Variants in DSE observed in about 807,000 individuals in gnomAD.
DSE encodes dermatan-sulfate epimerase.
In DSE, 36 loss-of-function variants were observed where a neutral mutation model predicts 84.4. The ratio of observed to expected loss-of-function variants is 0.43; its 90% CI spans 0.33 to 0.56. DSE has a LOEUF of 0.56. DSE is among the 20% of genes least tolerant of loss of function. The pLI is 0.06. For missense variants in DSE, 862 were observed against 1,169.6 expected (o/e 0.74, Z 3.84); for synonymous variants, 410 against 430.1 (o/e 0.95, Z 0.58).
intron 2 of DSE, among the ~76,000 whole-genome samples, chr6:116,358,447 G>A (rs1342060379): frequency 6.6e-6 from 1 of 152,146 alleles, no homozygotes; most frequent in East Asian, 1.9e-4. Flanking sequence ...AAGACAAAGT[G>A]GTGATGGAAT....
chr6:116,370,263 T>G (rs1240552959), upstream of DSE: 1 of 242,066 alleles, frequency 4.1e-6, no homozygotes, highest in African/African-American at 2.2e-5. Flanking sequence ...CATTAAATGC[T>G]TTGCTCCTGA....
chr6:116,372,000 A>G (rs1474531697), intron 1 of DSE, among the ~76,000 whole-genome samples: 2 of 152,204 alleles, frequency 1.3e-5, no homozygotes, highest in African/African-American at 4.8e-5. Context: ...TGACGCTTTT[A>G]GTTCTAGGAA....
At chr6:116,268,354 C>T (rs965034191) in intron 2 of DSE, among the ~76,000 whole-genome samples, 7 of 152,134 alleles carry the variant, frequency 4.6e-5, no homozygotes, top group Non-Finnish European at 1.5e-5. Flanking sequence ...TACCATAGAG[C>T]CTACATGTGT....
chr6:116,398,174 T>G (rs1428045755), intron 1 of DSE, among the ~76,000 whole-genome samples: 3 of 152,250 alleles, frequency 2.0e-5, no homozygotes, highest in Non-Finnish European at 4.4e-5. Context: ...AAGAATTCCC[T>G]GACTTTCCTC....
At chr6:116,410,905 A>T (rs189121313) in intron 2 of DSE, among the ~76,000 whole-genome samples, 54 of 152,288 alleles carry the variant, frequency 3.5e-4, no homozygotes, top group Non-Finnish European at 5.3e-4. Flanking sequence ...TAGCATTCAT[A>T]AGACTTGACA....
At chr6:116,327,639 C>G (rs1445082898) in intron 2 of DSE, among the ~76,000 whole-genome samples, 6 of 152,154 alleles carry the variant, frequency 3.9e-5, no homozygotes, top group Admixed American at 3.9e-4. Context: ...AAAGTATTAT[C>G]CATAATACTT....
intron 2 of DSE, among the ~76,000 whole-genome samples, chr6:116,319,981 C>T (rs1424319153): frequency 6.6e-6 from 1 of 152,150 alleles, no homozygotes; most frequent in African/African-American, 2.4e-5. Flanking sequence ...GAAAAGATCC[C>T]CTTTTATGTG....
chr6:116,321,089 C>T (rs4534018), intron 2 of DSE, among the ~76,000 whole-genome samples: 34,517 of 152,128 alleles, frequency 0.23, 5,342 homozygotes, highest in East Asian at 0.64. Flanking sequence ...ACTCTTCTGT[C>T]TCTGCTCCAT....
At chr6:116,403,653 TTTGGTTGG>T (rs761918021) in intron 2 of DSE, among the ~76,000 whole-genome samples, 1 of 151,324 alleles carries the variant, frequency 6.6e-6, no homozygotes, top group African/African-American at 2.4e-5. Context: ...CACTGAGGGG[TTTGGTTGG>T]TTGGTTGGTT....
rs1228049214 is a variant in DSE at position 116,371,468 on chromosome 6, C to A, written c.-54+347C>A. Among the ~76,000 whole-genome samples, 3 of 152,234 alleles carry A rather than the reference C, an allele frequency of 2.0e-5. No individual in the cohort carries two copies. The East Asian group carries it at 5.8e-4, about 29-fold the overall frequency. The stretch of plus-strand genomic sequence containing the variant: ...GTGCGTCGGATCTGGCCGGCCCAGC[C>A]GCGATTTCCTCGACGGTCCTTGGGG... On this transcript the variant is annotated intron_variant, in intron 1 of 5. Transcript: ENST00000644252.
chr6:116,347,521 T>C (rs2114840597), intron 2 of DSE, among the ~76,000 whole-genome samples: 1 of 151,598 alleles, frequency 6.6e-6, no homozygotes, highest in East Asian at 1.9e-4. Context: ...TTGACAAACC[T>C]GACAAAAACA....
chr6:116,380,388 C>T (rs897145571), intron 1 of DSE, among the ~76,000 whole-genome samples: 3 of 151,620 alleles, frequency 2.0e-5, no homozygotes, highest in African/African-American at 4.8e-5. Flanking sequence ...AATTAGGTGC[C>T]GAATGGACAT....
intron 5 of DSE, 138 bp downstream of exon 5, chr6:116,433,688 A>C: frequency 1.1e-6 from 1 of 902,680 alleles, no homozygotes; most frequent in Non-Finnish European, 1.6e-6. Flanking sequence ...GAGTATATGA[A>C]GTTTCAATTC....
intron 2 of DSE, among the ~76,000 whole-genome samples, chr6:116,336,006 T>C (rs577253811): frequency 6.6e-6 from 1 of 152,334 alleles, no homozygotes; most frequent in East Asian, 1.9e-4. Flanking sequence ...TCCAAAACAA[T>C]GGATTCCCAT....
chr6:116,298,454 A>ATTGTTAGTT (rs1418045679), intron 2 of DSE, among the ~76,000 whole-genome samples: 5 of 152,204 alleles, frequency 3.3e-5, no homozygotes, highest in Admixed American at 6.5e-5. Context: ...TCAACCAGCC[A>ATTGTTAGTT]TTGTTAGTTT....
intron 1 of DSE, among the ~76,000 whole-genome samples, chr6:116,392,105 AGTAT>A (rs1780947601): frequency 6.6e-6 from 1 of 152,376 alleles, no homozygotes; most frequent in East Asian, 1.9e-4. Flanking sequence ...ACAGTGAAAT[AGTAT>A]GTGAGACCAC....
upstream of DSE, chr6:116,370,923 C>T: frequency 1.0e-6 from 1 of 985,492 alleles, no homozygotes. Flanking sequence ...CCCACACCTA[C>T]CCGCCCCCGC....
At chr6:116,411,942 C>T (rs1350202339) in intron 2 of DSE, among the ~76,000 whole-genome samples, 1 of 152,176 alleles carries the variant, frequency 6.6e-6, no homozygotes, top group Non-Finnish European at 1.5e-5. Context: ...TGTTTAATGC[C>T]TGGGGCATAT....
intron 2 of DSE, among the ~76,000 whole-genome samples, chr6:116,281,853 T>C (rs1176355114): frequency 6.6e-6 from 1 of 152,244 alleles, no homozygotes; most frequent in African/African-American, 2.4e-5. Flanking sequence ...CCTTCCTATC[T>C]GCCACTGGCA....
Sources: allele counts gnomAD v4.1 joint callset (sites outside exome capture counted in the v4.1 genomes callset), GRCh38; gene constraint gnomAD v4.1.1; transcripts MANE v1.5; gene names NCBI Gene and HGNC (gene_info 2026-07-23, HGNC 2026-07-21).